PCLAF: variants seen among roughly 807,000 people sequenced by gnomAD.
PCLAF encodes the protein PCNA clamp associated factor.
A neutral mutation model predicts 15.1 loss-of-function variants in PCLAF; 12 were observed. The observed-to-expected ratio is 0.79, with a 90% CI of 0.51 to 1.29. The LOEUF is 1.29. Ranked by LOEUF, PCLAF falls within the 50% of genes most tolerant of loss-of-function variation. The pLI, the probability that PCLAF is intolerant of heterozygous loss-of-function variation, is 0.00. For synonymous variants in PCLAF, 33 were observed against 47.1 expected (o/e 0.70, Z 1.22); for missense variants, 116 against 130.9 (o/e 0.89, Z 0.56).
chr15:64,380,691 G>C (rs1899784245), intron 2 of PCLAF, among the ~76,000 whole-genome samples: 1 of 152,110 alleles, frequency 6.6e-6, no homozygotes, highest in African/African-American at 2.4e-5. Context: ...GCAACAAAGA[G>C]AGGCCCTGTC....
At chr15:64,381,267 C>A in intron 1 of PCLAF, 59 bp downstream of exon 1, 2 of 1,593,830 alleles carry the variant, frequency 1.3e-6, no homozygotes, top group Non-Finnish European at 1.7e-6. Context: ...GTCTGTCGCC[C>A]GTGGCCAGGC....
chr15:64,374,716 C>T (rs189027013), intron 3 of PCLAF, among the ~76,000 whole-genome samples: 171 of 151,858 alleles, frequency 1.1e-3, no homozygotes, highest in Non-Finnish European at 2.0e-3. Flanking sequence ...CTCCATGGCA[C>T]ATGCCTGTAA....
chr15:64,378,678 C>T (rs112934542), intron 2 of PCLAF, among the ~76,000 whole-genome samples: 1 of 151,954 alleles, frequency 6.6e-6, no homozygotes, highest in East Asian at 1.9e-4. Flanking sequence ...TTTGTGAGGC[C>T]GAGGCAGTTG....
upstream of PCLAF, chr15:64,381,496 G>A (rs116766191): frequency 2.8e-4 from 436 of 1,576,972 alleles, no homozygotes; most frequent in African/African-American, 5.3e-3. Flanking sequence ...CGCGCTCCAA[G>A]GTCTCTCCCG....
chr15:64,370,256 T>TG (rs1473974468), intron 3 of PCLAF, among the ~76,000 whole-genome samples: 3 of 150,662 alleles, frequency 2.0e-5, no homozygotes, highest in African/African-American at 4.9e-5. Context: ...TTTTTTTTTT[T>TG]TTTTTTTTGT....
At position 64,376,793 on chromosome 15, in the gene PCLAF, A is replaced by T; in HGVS notation, c.240T>A (p.Asn80Lys). 6.2e-7 allele frequency: 1 copy of T among 1,613,780 alleles called. No homozygotes were observed. Among genetic ancestry groups the T allele is most frequent in the African/African-American group, 1.3e-5 (1 of 75,014 alleles). The change falls in exon 3 of 4, where the codon AAT becomes AAA. Residue 80 changes from asparagine (N) to lysine (K), a missense_variant. Transcript: ENST00000300035. Reference protein sequence around the residue: ...RLSPKDSEKENQIPEEAGSSG... With the variant: ...RLSPKDSEKEKQIPEEAGSSG... ...TGCTTCCTGCCTCTTCAGGAATCTG[A>T]TTCTCTTTTTCAGAATCTTTAGGGG...
intron 1 of PCLAF, among the ~76,000 whole-genome samples, chr15:64,387,159 AG>A (rs1899961011): frequency 1.3e-5 from 2 of 152,040 alleles, no homozygotes; most frequent in Admixed American, 6.6e-5. Context: ...AGTCGACTAC[AG>A]GGGGTATTAA....
At position 64,381,026 on chromosome 15, in the gene PCLAF, C is replaced by G; in HGVS notation, c.59G>C (p.Arg20Pro). The G allele has an allele frequency of 2.5e-6, 4 of 1,613,918 alleles. No individual in the cohort carries two copies. Among genetic ancestry groups the G allele is most frequent in the Non-Finnish European group, 3.4e-6 (4 of 1,179,964 alleles). Residue 20 changes from arginine (R) to proline (P), a missense_variant, in exon 2 of 4, where the codon CGA becomes CCA. Physicochemically the swap from Arg to Pro is moderately radical, Grantham distance 103. Transcript: ENST00000300035. ...AGAACCAAGCACCTTTCTGGGGGCT[C>G]GAGCAGCCACCACTGTGAAGAGAGG... ...PGTYRKVVAA[R>P]APRKVLGSST... is the part of the protein sequence containing the mutation.
At chr15:64,368,252 G>A (rs1480426010) in intron 3 of PCLAF, among the ~76,000 whole-genome samples, 2 of 152,044 alleles carry the variant, frequency 1.3e-5, no homozygotes, top group East Asian at 3.9e-4. Context: ...GGCTGAGGCA[G>A]GAGAATCGCT....
intron 2 of PCLAF, among the ~76,000 whole-genome samples, chr15:64,379,747 T>A (rs1054310239): frequency 2.0e-5 from 3 of 152,270 alleles, no homozygotes; most frequent in Non-Finnish European, 4.4e-5. Flanking sequence ...CTGAAAGGAA[T>A]GAGGCACCAG....
Position 64,365,943 on chromosome 15 carries a change from A to G in PCLAF, c.*87T>C. On this transcript the variant is annotated 3_prime_UTR_variant, in exon 4 of 4. Coordinates refer to ENST00000300035, the MANE Select transcript of PCLAF (RefSeq NM_014736.6). ...AATTAAATGCCTGTTCAACAAAGCT[A>G]ATTGGAACAAACACATTTATGTAAA... 8.9e-7 allele frequency: 1 copy of G among 1,125,506 alleles called. No homozygotes were observed. Among genetic ancestry groups the G allele is most frequent in the Non-Finnish European group, 1.3e-6 (1 of 752,424 alleles). 69.7% of individuals were successfully genotyped at this position (1,125,506 alleles called of 1,614,324 possible).
chr15:64,378,772 A>G (rs1361865921), intron 2 of PCLAF, among the ~76,000 whole-genome samples: 1 of 152,104 alleles, frequency 6.6e-6, no homozygotes, highest in African/African-American at 2.4e-5. Flanking sequence ...TTAGCCAGGC[A>G]TGGTGGCGCA....
At position 64,365,701 on chromosome 15, in the gene PCLAF, A is replaced by T. The variant is rs897093459; in HGVS notation, c.*329T>A. 2.9e-5 allele frequency: 7 copies of T among 244,924 alleles called. No homozygotes were observed. The highest frequency in any genetic ancestry group is 1.4e-4 in the African/African-American group (6 of 43,256). The allele number at this position is 244,924 out of a possible 1,614,324, so 15.2% of individuals were successfully genotyped here. A position where few individuals can be genotyped will look rare whatever the true frequency, so the allele number is the denominator to read the frequency against. ...ATAATCAAACACCAATAAAAATGGC[A>T]GCAGTACAACAATCTAAGCAAATCT... On this transcript the variant is annotated 3_prime_UTR_variant, in exon 4 of 4. Transcript: ENST00000300035.
chr15:64,375,890 T>C (rs1034189109), intron 3 of PCLAF, among the ~76,000 whole-genome samples: 32 of 152,148 alleles, frequency 2.1e-4, no homozygotes, highest in African/African-American at 7.0e-4. Context: ...CTGATCCTCT[T>C]TGAGAGATTG....
At chr15:64,384,197 C>T (rs936382575), upstream of PCLAF, among the ~76,000 whole-genome samples, 1 of 152,054 alleles carries the variant, frequency 6.6e-6, no homozygotes, top group East Asian at 1.9e-4. Context: ...TGCAGTGGCA[C>T]GATCTCAGCT....
rs1899007704 is a variant in PCLAF at position 64,365,825 on chromosome 15, A to G, written c.*205T>C. 1.4e-5 allele frequency: 8 copies of G among 569,630 alleles called. No homozygotes were observed. Among genetic ancestry groups the G allele is most frequent in the Non-Finnish European group, 2.5e-5 (8 of 325,406 alleles). The allele number at this position is 569,630 out of a possible 1,614,324, so 35.3% of individuals were successfully genotyped here. ...TAAAAGAAACCAAACAATGCATTAT[A>G]TTGAATACTAAGCTAAGTTACCATA... On this transcript the variant is annotated 3_prime_UTR_variant, in exon 4 of 4. Transcript: ENST00000300035.
intron 3 of PCLAF, among the ~76,000 whole-genome samples, chr15:64,370,829 G>GTTTTTTTTTTTT (rs10607183): frequency 1.2e-5 from 1 of 85,766 alleles, no homozygotes; most frequent in Admixed American, 1.4e-4. Flanking sequence ...TCATAAAGTT[G>GTTTTTTTTTTTT]TTTTTTTTTT....
chr15:64,371,546 A>G (rs950213585), intron 3 of PCLAF, among the ~76,000 whole-genome samples: 1 of 152,198 alleles, frequency 6.6e-6, no homozygotes, highest in African/African-American at 2.4e-5. Flanking sequence ...GAGTACAGGC[A>G]TGAGCCGCCG....
intron 2 of PCLAF, among the ~76,000 whole-genome samples, chr15:64,377,484 AAAAAATATATATAT>A (rs1899641777): frequency 2.4e-5 from 1 of 41,584 alleles, no homozygotes; most frequent in Non-Finnish European, 4.8e-5. Flanking sequence ...AAAAAAAAAA[AAAAAATATATATAT>A]ATATATATAT....
Sources: allele counts gnomAD v4.1 joint callset (sites outside exome capture counted in the v4.1 genomes callset), GRCh38; gene constraint gnomAD v4.1.1; transcripts MANE v1.5; gene names NCBI Gene and HGNC (gene_info 2026-07-23, HGNC 2026-07-21).